The following ANKRD26 variants were observed in gnomAD, a reference collection of about 807,000 sequenced individuals.
ANKRD26 encodes the protein ankyrin repeat domain 26.
Under a neutral mutation model 208.7 loss-of-function variants are expected in ANKRD26, and 141 were observed. The ratio of observed to expected loss-of-function variants is 0.68; its 90% confidence interval spans 0.59 to 0.78. The LOEUF (loss-of-function observed/expected upper bound fraction) is 0.78, where lower values mean the gene tolerates loss of function less well. Among genes scored for constraint, ANKRD26 ranks in the 30% least tolerant of loss-of-function variants. The probability of loss-of-function intolerance (pLI) is 0.00; values close to 1 mark genes in which losing one functional copy is unlikely to be tolerated. For missense variants in ANKRD26, 1,889 were observed against 1,938.7 expected (o/e 0.97, Z 0.48); for synonymous variants, 636 against 660.4 (o/e 0.96, Z 0.57).
intron 5 of ANKRD26, among the ~76,000 whole-genome samples, chr10:27,085,707 G>A (rs1338772499): frequency 2.6e-5 from 4 of 152,002 alleles, no homozygotes; most frequent in Non-Finnish European, 4.4e-5. Context: ...ACTATGTAAT[G>A]ACCCTTGAAC....
At chr10:26,988,790 A>G (rs939010178), downstream of ANKRD26, among the ~76,000 whole-genome samples, 1 of 151,868 alleles carries the variant, frequency 6.6e-6, no homozygotes, top group East Asian at 1.9e-4. Flanking sequence ...TCACACCTAT[A>G]GACCCAGCAT....
intron 27 of ANKRD26, 133 bp from the exon 28 acceptor site, chr10:27,024,692 A>T (rs544435723): frequency 4.2e-6 from 2 of 481,082 alleles, no homozygotes; most frequent in Non-Finnish European, 7.5e-6. Context: ...CCTAATGGCA[A>T]TAAGAACGGA....
chr10:27,069,684 GGTCTTAA>G (rs1278517692), intron 9 of ANKRD26, among the ~76,000 whole-genome samples: 9 of 151,974 alleles, frequency 5.9e-5, no homozygotes. Flanking sequence ...AAAAGCATAT[GGTCTTAA>G]GTAGATAAAT....
intron 4 of ANKRD26, among the ~76,000 whole-genome samples, 159 bp from the exon 5 acceptor site, chr10:27,086,768 G>GTTTTTTTTTTTTTTTTTTTTTTTTT (rs36035101): frequency 1.0e-5 from 1 of 97,016 alleles, no homozygotes; most frequent in Non-Finnish European, 2.0e-5. Context: ...AAACTTTTTT[G>GTTTTTTTTTTTTTTTTTTTTTTTTT]TTTTTTTTTT....
At chr10:27,011,703 T>C (rs2053118125) in intron 32 of ANKRD26, among the ~76,000 whole-genome samples, 1 of 152,284 alleles carries the variant, frequency 6.6e-6, no homozygotes, top group East Asian at 1.9e-4. Context: ...ATTGGCTAGC[T>C]AGGACCTTGT....
rs1356095038 is a variant in ANKRD26 at position 27,066,564 on chromosome 10, C to A, written c.1208-16G>T. On this transcript the variant is annotated splice_polypyrimidine_tract_variant and intron_variant, in intron 10 of 33. Coordinates refer to ENST00000376087, the MANE Select transcript of ANKRD26 (RefSeq NM_014915.3). ...GACATCATATCTATCAAATGTGATA[C>A]ACAGATATATTCATGAGAACATTTA... 6.5e-7 allele frequency: 1 copy of A among 1,543,750 alleles called. No homozygotes were observed. Among genetic ancestry groups the A allele is most frequent in the Admixed American group, 1.7e-5 (1 of 59,522 alleles).
At chr10:27,015,370 A>T (rs2053255613) in intron 30 of ANKRD26, among the ~76,000 whole-genome samples, 1 of 152,258 alleles carries the variant, frequency 6.6e-6, no homozygotes, top group Non-Finnish European at 1.5e-5. Context: ...AATCACCTGG[A>T]CTACAAGTAA....
chr10:27,000,732 G>A (rs1044881315), downstream of ANKRD26, among the ~76,000 whole-genome samples: 4 of 152,142 alleles, frequency 2.6e-5, no homozygotes, highest in Non-Finnish European at 4.4e-5. Context: ...GGCCAGGCAC[G>A]GTGGCTCACA....
At chr10:26,979,352 T>A (rs1209447499) in intron 5 of ANKRD26, among the ~76,000 whole-genome samples, 1 of 152,172 alleles carries the variant, frequency 6.6e-6, no homozygotes, top group African/African-American at 2.4e-5. Flanking sequence ...TTTCTCCTAG[T>A]CTTGACTCTG....
In ANKRD26 at chr10:27,033,271, T is replaced by C. The variant is rs368705077; in HGVS notation, c.3761A>G (p.Asp1254Gly). The C allele has an allele frequency of 4.2e-5, 68 of 1,612,568 alleles. No homozygotes were observed. In the African/African-American group the frequency reaches 7.3e-4, roughly 17 times the overall value. ...VTSRYRINLE[D>G]ETQDLKKKLG... ...TTTCTTCTTTAAATCCTGTGTCTCATCTTCTAAATTAATACGATAACGTGA... is the reference window on the plus strand; with the variant it reads ...TTTCTTCTTTAAATCCTGTGTCTCACCTTCTAAATTAATACGATAACGTGA... Residue 1254 changes from aspartate to glycine, a missense_variant, in exon 25 of 34, where the codon GAT becomes GGT. Physicochemically the swap from Asp to Gly is moderately conservative, Grantham distance 94. This residue lies in a region of ANKRD26 where 613 missense variants were observed against 648.2 expected (regional missense o/e 0.95). Transcript: ENST00000376087.
Position 27,017,526 on chromosome 10 carries a change from T to C in ANKRD26, c.4482A>G (p.Leu1494=), listed in dbSNP as rs745468860. ...ERARQEIAEK[L]KEVNLFLQAQ... ...CCTGTAAAAATAGATTGACTTCTTT[T>C]AATTTTTCTGCTATTTCCTGTCTTG... The change falls in exon 30 of 34, where the codon TTA becomes TTG. Residue 1494 remains leucine, a synonymous_variant. Transcript: ENST00000376087. 16 of 1,613,694 alleles carry C rather than the reference T, an allele frequency of 9.9e-6. No homozygotes were observed. The highest frequency in any genetic ancestry group is 2.7e-5 in the African/African-American group (2 of 75,062).
chr10:26,992,724 C>T (rs2052512989), intron 5 of ANKRD26, among the ~76,000 whole-genome samples: 1 of 152,046 alleles, frequency 6.6e-6, no homozygotes, highest in Non-Finnish European at 1.5e-5. Flanking sequence ...ATTATTATTC[C>T]TATTATGAGC....
chr10:27,084,903 CTT>C (rs1238033670), intron 5 of ANKRD26, among the ~76,000 whole-genome samples: 2 of 148,684 alleles, frequency 1.3e-5, no homozygotes, highest in African/African-American at 4.9e-5. Flanking sequence ...TCTGTACTTA[CTT>C]TTTTTTTCCT....
downstream of ANKRD26, among the ~76,000 whole-genome samples, chr10:26,972,422 T>C (rs1288119631): frequency 2.0e-5 from 3 of 151,944 alleles, no homozygotes; most frequent in African/African-American, 7.3e-5. Flanking sequence ...ATGTGCAAGA[T>C]TTATGTGAAG....
At chr10:27,056,088 A>T (rs535259709) in intron 15 of ANKRD26, among the ~76,000 whole-genome samples, 28 of 152,338 alleles carry the variant, frequency 1.8e-4, no homozygotes, top group African/African-American at 6.3e-4. Flanking sequence ...TTAGAGGAAG[A>T]CTACAAATGC....
At chr10:26,969,204 T>C (rs780996061), downstream of ANKRD26, among the ~76,000 whole-genome samples, 3 of 152,218 alleles carry the variant, frequency 2.0e-5, no homozygotes, top group Non-Finnish European at 4.4e-5. Context: ...GTCTGATGTG[T>C]GGCTCCTATG....
intron 4 of ANKRD26, among the ~76,000 whole-genome samples, chr10:26,998,581 C>T (rs1405238510): frequency 6.6e-6 from 1 of 152,192 alleles, no homozygotes; most frequent in African/African-American, 2.4e-5. Flanking sequence ...AGCTCAAATT[C>T]GTGGGCAAAC....
rs1309156721 is a variant in ANKRD26, at chr10:27,077,393, G to C, written c.1022C>G (p.Pro341Arg). ...QCFSHPTYQS[P>R]DLLPKPSHKS... is the part of the protein sequence containing the mutation. ...GTGGGAAGGTTTTGGAAGAAGGTCA[G>C]GTGATTGATAGGTAGGATGAGAAAA... The change falls in exon 9 of 34, where the codon CCT (proline) becomes CGT (arginine). Residue 341 changes from proline to arginine, a missense_variant. By Grantham distance (103) the Pro-to-Arg change is moderately radical (BLOSUM62 -2). Transcript: ENST00000376087. 8 of 1,614,098 alleles carry C rather than the reference G, an allele frequency of 5.0e-6. No homozygotes were observed. Among genetic ancestry groups the C allele is most frequent in the Non-Finnish European group, 6.8e-6 (8 of 1,179,966 alleles).
chr10:27,092,319 A>T (rs1425626078), intron 4 of ANKRD26, 87 bp downstream of exon 4: 2 of 1,007,904 alleles, frequency 2.0e-6, no homozygotes, highest in Non-Finnish European at 3.0e-6. Flanking sequence ...AAGCAGGTTT[A>T]AAAAACCTGT....
Sources: gnomAD v4.1 joint callset for allele counts (sites outside exome capture counted in the v4.1 genomes callset) on GRCh38, gnomAD v4.1.1 for gene constraint, gnomAD v4.1.1 regional missense constraint, MANE v1.5 for transcripts, NCBI Gene and HGNC (gene_info 2026-07-23, HGNC 2026-07-21) for gene names.